Variants in NRXN1 observed in about 807,000 individuals in gnomAD.
NRXN1 encodes neurexin-1.
A neutral mutation model predicts 150.9 loss-of-function variants in NRXN1; 39 were observed. The ratio of observed to expected loss-of-function variants is 0.26; its 90% CI spans 0.20 to 0.34. The LOEUF is 0.34. Among genes scored for constraint, NRXN1 ranks in the 10% least tolerant of loss-of-function variants. NRXN1 has a pLI of 1.00. For synonymous variants in NRXN1, 924 were observed against 757.0 expected (o/e 1.22, Z -3.62); for missense variants, 1,815 against 1,949.9 (o/e 0.93, Z 1.30).
At chr2:50,165,564 G>C (rs540260736) in intron 18 of NRXN1, among the ~76,000 whole-genome samples, 2 of 152,052 alleles carry the variant, frequency 1.3e-5, no homozygotes. Flanking sequence ...GGCCAGGCTG[G>C]TCTCCAACTC....
intron 8 of NRXN1, among the ~76,000 whole-genome samples, chr2:50,563,142 C>T (rs888593885): frequency 6.6e-6 from 1 of 152,058 alleles, no homozygotes; most frequent in Admixed American, 6.6e-5. Context: ...AAATATACAT[C>T]ACAAGTTGCT....
At chr2:50,962,668 G>A (rs926467477) in intron 2 of NRXN1, among the ~76,000 whole-genome samples, 1 of 151,492 alleles carries the variant, frequency 6.6e-6, no homozygotes, top group East Asian at 1.9e-4. Flanking sequence ...TTTTGCCTCT[G>A]AAGTTATGAT....
rs116058450 is a variant in NRXN1, at chr2:50,494,535, G to A, written c.3070+1370C>T. Among the ~76,000 whole-genome samples, 1,171 of 152,268 alleles carry A rather than the reference G, an allele frequency of 7.7e-3. 9 individuals are homozygous for A. The highest frequency in any genetic ancestry group is 0.026 in the African/African-American group (1,079 of 41,548). On this transcript the variant is annotated intron_variant, in intron 15 of 22. Transcript: ENST00000401669. ...AATTTCATTTTATTTTTTGAGCCAA[G>A]CTATTAGATTTGTGGGTACAAATAA...
At chr2:50,878,104 C>A (rs948771518) in intron 5 of NRXN1, among the ~76,000 whole-genome samples, 3 of 151,866 alleles carry the variant, frequency 2.0e-5, no homozygotes, top group Non-Finnish European at 4.4e-5. Flanking sequence ...ACACATACTG[C>A]TTTTAAAGAA....
At chr2:50,156,421 T>C (rs890138067) in intron 18 of NRXN1, among the ~76,000 whole-genome samples, 8 of 151,916 alleles carry the variant, frequency 5.3e-5, no homozygotes, top group African/African-American at 1.7e-4. Flanking sequence ...GTAATCATTG[T>C]TTGACTTTTC....
chr2:50,180,063 G>C (rs1001523733), intron 18 of NRXN1, among the ~76,000 whole-genome samples: 1 of 151,908 alleles, frequency 6.6e-6, no homozygotes, highest in African/African-American at 2.4e-5. Flanking sequence ...TGTTGTCCAG[G>C]CTGGCTGGAG....
intron 15 of NRXN1, among the ~76,000 whole-genome samples, chr2:50,495,372 GTGTGTGTGGTGTGTGTGT>G (rs1171856212): frequency 1.1e-3 from 8 of 7,110 alleles, no homozygotes; most frequent in African/African-American, 4.0e-3. Context: ...GTGTGTGTGT[GTGTGTGTGGTGTGTGTGT>G]GTGTGTGTGT....
intron 4 of NRXN1, chr2:50,922,456 T>C (rs1686182168): frequency 4.7e-6 from 3 of 642,104 alleles, no homozygotes; most frequent in Non-Finnish European, 5.6e-6. Flanking sequence ...TGAAGGAAAA[T>C]AAAAGCCACA....
At chr2:50,677,737 T>G (rs965188343) in intron 5 of NRXN1, among the ~76,000 whole-genome samples, 1 of 152,080 alleles carries the variant, frequency 6.6e-6, no homozygotes. Context: ...AGTCCAGATA[T>G]AAAACAAAAT....
At chr2:50,727,354 C>T (rs1246948336) in intron 5 of NRXN1, among the ~76,000 whole-genome samples, 1 of 152,108 alleles carries the variant, frequency 6.6e-6, no homozygotes, top group African/African-American at 2.4e-5. Context: ...GTATCAATGC[C>T]TAGGCTATAA....
chr2:50,306,438 C>A (rs2074616786), intron 17 of NRXN1, among the ~76,000 whole-genome samples: 1 of 152,152 alleles, frequency 6.6e-6, no homozygotes, highest in Non-Finnish European at 1.5e-5. Flanking sequence ...TTTAACTTAG[C>A]AAACACTCAG....
At chr2:50,732,204 GA>G (rs1235138529) in intron 5 of NRXN1, among the ~76,000 whole-genome samples, 1 of 151,788 alleles carries the variant, frequency 6.6e-6, no homozygotes, top group African/African-American at 2.4e-5. Flanking sequence ...CTATACATAT[GA>G]AAAAAATTGT....
In NRXN1 at chr2:50,724,603, C is replaced by A. The variant is rs537165279; in HGVS notation, c.833-100988G>T. ...CGTTGTATGGCTTTATATGGTAAAA[C>A]ATTAGCTGGCTAGCTAAATATTACA... On this transcript the variant is annotated intron_variant, in intron 5 of 22. Transcript: ENST00000401669. 2.0e-5 allele frequency among the ~76,000 whole-genome samples: 3 copies of A among 152,156 alleles called. No homozygotes were observed. The East Asian group carries it at 5.8e-4, about 29-fold the overall frequency.
chr2:50,649,434 G>A (rs756943645), intron 5 of NRXN1, among the ~76,000 whole-genome samples: 2 of 151,988 alleles, frequency 1.3e-5, no homozygotes, highest in East Asian at 1.9e-4. Flanking sequence ...AAACTCTGTA[G>A]CTCCCAAAAC....
intron 12 of NRXN1, among the ~76,000 whole-genome samples, chr2:50,507,819 T>TA (rs536445797): frequency 6.6e-6 from 1 of 151,960 alleles, no homozygotes; most frequent in South Asian, 2.1e-4. Flanking sequence ...AACATGCTGG[T>TA]ACATTAAAAT....
intron 19 of NRXN1, among the ~76,000 whole-genome samples, chr2:50,071,502 G>T (rs1351299058): frequency 6.6e-6 from 1 of 152,144 alleles, no homozygotes; most frequent in Non-Finnish European, 1.5e-5. Flanking sequence ...GAGACACAAG[G>T]GATGCACAGG....
At chr2:50,835,523 A>G (rs1057130276) in intron 5 of NRXN1, among the ~76,000 whole-genome samples, 3 of 152,198 alleles carry the variant, frequency 2.0e-5, no homozygotes, top group Admixed American at 2.0e-4. Flanking sequence ...TTAGCCTCTG[A>G]GTTTAAAAAT....
rs200888709 is a variant in NRXN1, at chr2:50,098,831, T to TGTTTTTTTTTTTTGG, written c.3547-7338_3547-7337insCCAAAAAAAAAAAAC. Among the ~76,000 whole-genome samples the TGTTTTTTTTTTTTGG allele has an allele frequency of 6.8e-3, 20 of 2,950 alleles. 2 individuals carry two copies. The highest frequency in any genetic ancestry group is 0.041 in the African/African-American group (20 of 486). The allele number at this position is 2,950 out of a possible 152,430, so 1.9% of individuals were successfully genotyped here. On this transcript the variant is annotated intron_variant, in intron 18 of 22. Coordinates refer to ENST00000401669, the MANE Select transcript of NRXN1 (RefSeq NM_001330078.2). Reference sequence around the variant, plus strand: ...TGCATGGTTTTGTTTTTGGTTTTAGTTTTTTTTTTTTTTTTTTTTTTTTTT... The same window carrying TGTTTTTTTTTTTTGG: ...TGCATGGTTTTGTTTTTGGTTTTAGTGTTTTTTTTTTTTGGTTTTTTTTTTTTTTTTTTTTTTTTT...
At chr2:50,934,534 G>A (rs1183433487) in intron 2 of NRXN1, among the ~76,000 whole-genome samples, 1 of 152,006 alleles carries the variant, frequency 6.6e-6, no homozygotes, top group Non-Finnish European at 1.5e-5. Context: ...TGTTCCACAT[G>A]CTCAATAGCC....
Sources: gnomAD v4.1 joint callset for allele counts (sites outside exome capture counted in the v4.1 genomes callset) on GRCh38, gnomAD v4.1.1 for gene constraint, MANE v1.5 for transcripts, NCBI Gene and HGNC (gene_info 2026-07-23, HGNC 2026-07-21) for gene names.